Variants in E2F3 observed in about 807,000 individuals in gnomAD.
E2F3 encodes E2F transcription factor 3.
E2F3 carries 11 observed loss-of-function variants against 44.4 expected under a neutral mutation model. That is an observed-to-expected ratio of 0.25 (90% CI 0.16 to 0.41). The LOEUF is 0.41. E2F3 is among the 10% of genes least tolerant of loss of function. E2F3 has a pLI of 1.00. For synonymous variants in E2F3, 249 were observed against 253.0 expected, an observed-to-expected ratio of 0.98 and a Z score of 0.15; for missense variants, 487 against 583.6, an observed-to-expected ratio of 0.83 and a Z score of 1.70.
At chr6:20,489,877 G>A (rs879428118) in intron 6 of E2F3, among the ~76,000 whole-genome samples, 5 of 152,140 alleles carry the variant, frequency 3.3e-5, no homozygotes, top group Admixed American at 6.5e-5. Context: ...GGCTGAGGTG[G>A]GAGGGTCCCT....
At chr6:20,487,699 G>C (rs1445710330) in intron 5 of E2F3, among the ~76,000 whole-genome samples, 1 of 152,136 alleles carries the variant, frequency 6.6e-6, no homozygotes, top group East Asian at 1.9e-4. Flanking sequence ...CACTAAAATA[G>C]TTTTCTTTCT....
chr6:20,487,784 A>G (rs1326258642), intron 5 of E2F3, among the ~76,000 whole-genome samples: 4 of 152,230 alleles, frequency 2.6e-5, no homozygotes, highest in African/African-American at 9.6e-5. Context: ...TGCGAGCCGT[A>G]CAGCCTGTGT....
At chr6:20,456,239 A>G in intron 1 of E2F3, among the ~76,000 whole-genome samples, 1 of 151,386 alleles carries the variant, frequency 6.6e-6, no homozygotes, top group East Asian at 1.9e-4. Flanking sequence ...TCCTCTCTAC[A>G]CTTTGTACAG....
chr6:20,492,211 C>A lies in E2F3; in HGVS notation c.*1781C>A. On this transcript the variant is annotated 3_prime_UTR_variant, in exon 7 of 7. Coordinates refer to ENST00000346618, the MANE Select transcript of E2F3 (RefSeq NM_001949.5). Reference sequence around the variant, plus strand: ...AGCCAGTTTACTCCAGGTAGATTTCCACAATATGCAAAGTGGTGGTGGGGT... The same window carrying A: ...AGCCAGTTTACTCCAGGTAGATTTCAACAATATGCAAAGTGGTGGTGGGGT... 1 of 228,980 alleles carries A rather than the reference C, an allele frequency of 4.4e-6. No homozygotes were observed. Among genetic ancestry groups the A allele is most frequent in the East Asian group, 6.3e-5 (1 of 15,992 alleles). The allele number at this position is 228,980 out of a possible 1,614,324, so 14.2% of individuals were successfully genotyped here.
rs575139436 is a variant in E2F3, at chr6:20,440,564, T to C, written c.393+37939T>C. 2.6e-5 allele frequency among the ~76,000 whole-genome samples: 4 copies of C among 152,354 alleles called. No homozygotes were observed. In the East Asian group the frequency reaches 7.7e-4, roughly 29 times the overall value. On this transcript the variant is annotated intron_variant, in intron 1 of 6. Transcript: ENST00000346618. ...TTTGGTAGGAAGTCAATGATACCAGTAGAAAAAAGGCTGTTTTTCTGACTT... is the reference window on the plus strand; with the variant it reads ...TTTGGTAGGAAGTCAATGATACCAGCAGAAAAAAGGCTGTTTTTCTGACTT...
chr6:20,402,058 C>T lies in E2F3; in HGVS notation c.-175C>T. The T allele has an allele frequency of 7.8e-6, 9 of 1,149,796 alleles. No individual in the cohort carries two copies. The highest frequency in any genetic ancestry group is 1.0e-5 in the Non-Finnish European group (9 of 869,224). The allele number at this position is 1,149,796 out of a possible 1,614,324, so 71.2% of individuals were successfully genotyped here. On this transcript the variant is annotated 5_prime_UTR_variant, in exon 1 of 7. Transcript: ENST00000346618. This position sits in a 1 kb window ranked among gnomAD's most constrained non-coding sequence, Gnocchi z 5.6. Reference sequence around the variant, plus strand: ...TCTCCAGAGCCCCGATTATTTTTGGCCCCCGGGGCCTGTGCGGTGCGGAAA... The same window carrying T: ...TCTCCAGAGCCCCGATTATTTTTGGTCCCCGGGGCCTGTGCGGTGCGGAAA...
In E2F3 at chr6:20,472,025, A is replaced by AACACACACACACAC. The variant is rs57925127; in HGVS notation, c.394-7790_394-7777dup. On this transcript the variant is annotated intron_variant, in intron 1 of 6. Coordinates refer to ENST00000346618, the MANE Select transcript of E2F3 (RefSeq NM_001949.5). Reference sequence around the variant, plus strand: ...TTAAACTCCAGCCTGCCCCCCCTCCAACACACACACACACACACACACACA... The same window carrying AACACACACACACAC: ...TTAAACTCCAGCCTGCCCCCCCTCCAACACACACACACACACACACACACACACACACACACACA... Among the ~76,000 whole-genome samples the AACACACACACACAC allele has an allele frequency of 7.6e-4, 105 of 138,436 alleles. 1 individual carries two copies. Among genetic ancestry groups the AACACACACACACAC allele is most frequent in the East Asian group, 3.8e-3 (18 of 4,680 alleles). The allele number at this position is 138,436 out of a possible 152,430, so 90.8% of individuals were successfully genotyped here.
Position 20,468,992 on chromosome 6 carries a change from G to A in E2F3, c.394-10854G>A, listed in dbSNP as rs1761804439. Among the ~76,000 whole-genome samples, 3 of 152,164 alleles carry A rather than the reference G, an allele frequency of 2.0e-5. No individual in the cohort carries two copies. The South Asian group carries it at 6.2e-4, about 32-fold the overall frequency. On this transcript the variant is annotated intron_variant, in intron 1 of 6. Transcript: ENST00000346618. ...TAGCTAGTCTCAGGTCTGGATATCA[G>A]GAGGCCAGAGAGCTTCAGGCAGGAG...
intron 1 of E2F3, among the ~76,000 whole-genome samples, chr6:20,425,793 GTGGCA>G (rs1760197335): frequency 6.6e-6 from 1 of 152,216 alleles, no homozygotes; most frequent in Non-Finnish European, 1.5e-5. Flanking sequence ...TTGCTATAGA[GTGGCA>G]TTTAAACTGG....
At chr6:20,471,675 A>C (rs1761894928) in intron 1 of E2F3, among the ~76,000 whole-genome samples, 1 of 152,240 alleles carries the variant, frequency 6.6e-6, no homozygotes. Flanking sequence ...CCCTAGAAAC[A>C]ACCTAAATGT....
At chr6:20,420,426 TG>T (rs1759985378) in intron 1 of E2F3, among the ~76,000 whole-genome samples, 1 of 148,270 alleles carries the variant, frequency 6.7e-6, no homozygotes, top group South Asian at 2.1e-4. Flanking sequence ...CTATAGATAA[TG>T]GGCTTTCTCT....
chr6:20,486,640 A>G (rs779957845), intron 4 of E2F3, 49 bp from the exon 5 acceptor site: 1 of 1,008,666 alleles, frequency 9.9e-7, no homozygotes, highest in Non-Finnish European at 1.5e-6. Context: ...CATTTTCATC[A>G]TACTTATATC....
chr6:20,453,527 G>A (rs1761205401), intron 1 of E2F3, among the ~76,000 whole-genome samples: 1 of 152,076 alleles, frequency 6.6e-6, no homozygotes, highest in Admixed American at 6.6e-5. Context: ...TGATTCTCTT[G>A]CCTCAGCCTC....
At position 20,402,394 on chromosome 6, in the gene E2F3, G is replaced by T; in HGVS notation, c.162G>T (p.Pro54=). ...FAAAAAAAAA[P]GAYIQILTTN... is the part of the protein sequence containing the mutation. ...CCGCCGCCGCCGCTGCCGCCGCCCC[G>T]GGCGCGTACATCCAGATCCTCACCA... Residue 54 remains proline, a synonymous_variant, in exon 1 of 7, where the codon CCG becomes CCT. Coordinates refer to ENST00000346618, the MANE Select transcript of E2F3 (RefSeq NM_001949.5). This position sits in a 1 kb window ranked among gnomAD's most constrained non-coding sequence, Gnocchi z 5.6. 2 of 1,606,476 alleles carry T rather than the reference G, an allele frequency of 1.2e-6. No individual in the cohort carries two copies. Among genetic ancestry groups the T allele is most frequent in the South Asian group, 2.2e-5 (2 of 90,370 alleles).
In E2F3 at chr6:20,491,532, C is replaced by A. The variant is rs1762552681; in HGVS notation, c.*1102C>A. 1 of 216,072 alleles carries A rather than the reference C, an allele frequency of 4.6e-6. No individual in the cohort carries two copies. Among genetic ancestry groups the A allele is most frequent in the African/African-American group, 2.2e-5 (1 of 44,454 alleles). 13.4% of individuals were successfully genotyped at this position (216,072 alleles called of 1,614,324 possible). A position where few individuals can be genotyped will look rare whatever the true frequency, so the allele number is the denominator to read the frequency against. ...GAACCAGGTCAGATGATGTAACAGC[C>A]CCAAGGAGCAGCAGGCATGGGTCCC... On this transcript the variant is annotated 3_prime_UTR_variant, in exon 7 of 7. Transcript: ENST00000346618.
chr6:20,456,429 A>T (rs1330075754), intron 1 of E2F3, among the ~76,000 whole-genome samples: 1 of 152,158 alleles, frequency 6.6e-6, no homozygotes, highest in Non-Finnish European at 1.5e-5. Flanking sequence ...ATTCACCTTT[A>T]TAAACCATTC....
chr6:20,473,107 G>A (rs1175826448), intron 1 of E2F3, among the ~76,000 whole-genome samples: 1 of 152,152 alleles, frequency 6.6e-6, no homozygotes, highest in African/African-American at 2.4e-5. Flanking sequence ...AAGGGAACTG[G>A]GATCAGGAGT....
chr6:20,459,842 C>G (rs1761439710), intron 1 of E2F3, among the ~76,000 whole-genome samples: 1 of 151,854 alleles, frequency 6.6e-6, no homozygotes. Context: ...CTTGGGGGGT[C>G]GAGGTGAGAA....
chr6:20,432,512 T>C lies in E2F3; in HGVS notation c.393+29887T>C, dbSNP rs1183042583. ...AGATATATGGTGTAGACCACAGACC[T>C]TACGTTTAGGGAAAGCGTACTTCTT... On this transcript the variant is annotated intron_variant, in intron 1 of 6. Coordinates refer to ENST00000346618, the MANE Select transcript of E2F3 (RefSeq NM_001949.5). 2.0e-5 allele frequency among the ~76,000 whole-genome samples: 3 copies of C among 152,266 alleles called. 1 individual carries two copies. Among genetic ancestry groups the C allele is most frequent in the Non-Finnish European group, 4.4e-5 (3 of 68,044 alleles).
Sources: allele counts gnomAD v4.1 joint callset (sites outside exome capture counted in the v4.1 genomes callset), GRCh38; gene constraint gnomAD v4.1.1; non-coding constraint Gnocchi (gnomAD v3.1); transcripts MANE v1.5; gene names NCBI Gene and HGNC (gene_info 2026-07-23, HGNC 2026-07-21).